KCNV1: variants seen among roughly 807,000 people sequenced by gnomAD.
KCNV1 encodes potassium voltage-gated channel subfamily V member 1.
A neutral mutation model predicts 36.4 loss-of-function variants in KCNV1; 2 were observed. The observed-to-expected ratio is 0.05, with a 90% confidence interval of 0.02 to 0.17. The LOEUF (loss-of-function observed/expected upper bound fraction) is 0.17, where lower values mean the gene tolerates loss of function less well. KCNV1 is among the 10% of genes least tolerant of loss of function. KCNV1 has a pLI of 1.00. For synonymous variants in KCNV1, 280 were observed against 261.1 expected, an observed-to-expected ratio of 1.07 and a Z score of -0.70; for missense variants, 321 against 643.6, an observed-to-expected ratio of 0.50 and a Z score of 5.42.
At position 109,972,370 on chromosome 8, in the gene KCNV1, C is replaced by G; in HGVS notation, c.879G>C (p.Glu293Asp). ...GCGTGGTCTGGCTCCCACTTAGGCT[C>G]TCTACCAGAAGAGTGATGTAGAAGG... is the stretch of plus-strand genomic sequence containing the variant. Reference protein sequence around the residue: ...ILPFYITLLVESLSGSQTTQE... With the variant: ...ILPFYITLLVDSLSGSQTTQE... The change falls in exon 3 of 4, where the codon GAG (glutamate) becomes GAC (aspartate). Residue 293 changes from glutamate to aspartate, a missense_variant. By Grantham distance (45) the Glu-to-Asp change is conservative (BLOSUM62 2). Coordinates refer to ENST00000524391, the MANE Select transcript of KCNV1 (RefSeq NM_014379.4). This position sits in a 1 kb window ranked among gnomAD's most constrained non-coding sequence, Gnocchi z 5.2. 1 of 1,614,186 alleles carries G rather than the reference C, an allele frequency of 6.2e-7. No individual in the cohort carries two copies. Among genetic ancestry groups the G allele is most frequent in the Non-Finnish European group, 8.5e-7 (1 of 1,180,050 alleles).
At position 109,966,440 on chromosome 8, in the gene KCNV1, A is replaced by T. The variant is rs1304259309; in HGVS notation, c.*1648T>A. The T allele has an allele frequency of 1.3e-5, 2 of 152,244 alleles. No individual in the cohort carries two copies. The highest frequency in any genetic ancestry group is 2.9e-5 in the Non-Finnish European group (2 of 68,032). The allele number at this position is 152,244 out of a possible 1,614,324, so 9.4% of individuals were successfully genotyped here. A position where few individuals can be genotyped will look rare whatever the true frequency, so the allele number is the denominator to read the frequency against. On this transcript the variant is annotated 3_prime_UTR_variant, in exon 4 of 4. Coordinates refer to ENST00000524391, the MANE Select transcript of KCNV1 (RefSeq NM_014379.4). ...AGGAGAAGTGGAAACAAGTTAAATGAATTAAAGTACTTTAGCACACAATCT... is the reference window on the plus strand; with the variant it reads ...AGGAGAAGTGGAAACAAGTTAAATGTATTAAAGTACTTTAGCACACAATCT...
At position 109,964,879 on chromosome 8, in the gene KCNV1, A is replaced by G. The variant is rs1370250981; in HGVS notation, c.*3209T>C. On this transcript the variant is annotated 3_prime_UTR_variant, in exon 4 of 4. Transcript: ENST00000524391. ...AGGAGGAGGGAGAGAATCAGGAAAA[A>G]TAACTGGTGCTAGGTTTAATACCTG... 6.6e-6 allele frequency: 1 copy of G among 152,090 alleles called. No homozygotes were observed. Among genetic ancestry groups the G allele is most frequent in the Non-Finnish European group, 1.5e-5 (1 of 68,040 alleles). The allele number at this position is 152,090 out of a possible 1,614,324, so 9.4% of individuals were successfully genotyped here. A position where few individuals can be genotyped will look rare whatever the true frequency, so the allele number is the denominator to read the frequency against.
Position 109,972,287 on chromosome 8 carries a change from C to T in KCNV1, c.962G>A (p.Arg321His), listed in dbSNP as rs879256001. Residue 321 changes from arginine to histidine, a missense_variant, in exon 3 of 4, where the codon CGC becomes CAC. By Grantham distance (29) the Arg-to-His change is conservative. This residue lies in a region of KCNV1 where 141 missense variants were observed against 225.0 expected (regional missense o/e 0.63). Coordinates refer to ENST00000524391, the MANE Select transcript of KCNV1 (RefSeq NM_014379.4). This position sits in a 1 kb window ranked among gnomAD's most constrained non-coding sequence, Gnocchi z 5.2. ...VQVLRLLRALRMLKLGRHSTG... is the reference protein window; with the variant it reads ...VQVLRLLRALHMLKLGRHSTG... ...GGAATGTCTGCCCAGCTTTAGCATG[C>T]GCAGAGCCCTGAGCAGCCTCAACAC... is the stretch of plus-strand genomic sequence containing the variant. 3.1e-6 allele frequency: 5 copies of T among 1,608,568 alleles called. No homozygotes were observed. The highest frequency in any genetic ancestry group is 4.2e-6 in the Non-Finnish European group (5 of 1,177,606).
In KCNV1 at chr8:109,973,919, C is replaced by T; in HGVS notation, c.461+9G>A. 6.3e-7 allele frequency: 1 copy of T among 1,579,540 alleles called. No homozygotes were observed. Among genetic ancestry groups the T allele is most frequent in the Non-Finnish European group, 8.6e-7 (1 of 1,161,526 alleles). On this transcript the variant is annotated intron_variant, in intron 2 of 3. Coordinates refer to ENST00000524391, the MANE Select transcript of KCNV1 (RefSeq NM_014379.4). ...CTCCCCGCCCAGCCGCCGCGTGCCTCCGGGGTACCTGTCCCTGCAGCAGGA... is the reference window on the plus strand; with the variant it reads ...CTCCCCGCCCAGCCGCCGCGTGCCTTCGGGGTACCTGTCCCTGCAGCAGGA...
chr8:109,968,133 T>C lies in KCNV1; in HGVS notation c.1458A>G (p.Glu486=). 6.2e-7 allele frequency: 1 copy of C among 1,614,166 alleles called. No individual in the cohort carries two copies. Among genetic ancestry groups the C allele is most frequent in the East Asian group, 2.2e-5 (1 of 44,876 alleles). The part of the protein sequence containing the change: ...IMEMLRLKGR[E]RASTRSSGGD... ...CCCCGCTGCTCCTAGTACTTGCTCTTTCTCTGCCTTTCAGTCGCAGCATCT... is the reference window on the plus strand; with the variant it reads ...CCCCGCTGCTCCTAGTACTTGCTCTCTCTCTGCCTTTCAGTCGCAGCATCT... Residue 486 remains glutamate, a synonymous_variant, in exon 4 of 4, where the codon GAA becomes GAG. Coordinates refer to ENST00000524391, the MANE Select transcript of KCNV1 (RefSeq NM_014379.4). The surrounding 1 kb of genome is among the most constrained non-coding windows in gnomAD (Gnocchi z 5.3).
rs1297723772 is a variant in KCNV1 at position 109,966,771 on chromosome 8, C to T, written c.*1317G>A. On this transcript the variant is annotated 3_prime_UTR_variant, in exon 4 of 4. Coordinates refer to ENST00000524391, the MANE Select transcript of KCNV1 (RefSeq NM_014379.4). Reference sequence around the variant, plus strand: ...CACCCCTGGCAAAGAGCCTTCTAGGCTTTTTTCCCTAACATCTCACCCCCA... The same window carrying T: ...CACCCCTGGCAAAGAGCCTTCTAGGTTTTTTTCCCTAACATCTCACCCCCA... The T allele has an allele frequency of 6.6e-6, 1 of 152,136 alleles. No individual in the cohort carries two copies. Among genetic ancestry groups the T allele is most frequent in the Non-Finnish European group, 1.5e-5 (1 of 67,996 alleles). The allele number at this position is 152,136 out of a possible 1,614,324, so 9.4% of individuals were successfully genotyped here.
rs768178661 is a variant in KCNV1 at position 109,968,191 on chromosome 8, T to G, written c.1400A>C (p.Asn467Thr). Residue 467 changes from asparagine (N) to threonine (T), a missense_variant, in exon 4 of 4, where the codon AAC (asparagine) becomes ACC (threonine). By Grantham distance (65) the Asn-to-Thr change is moderately conservative (BLOSUM62 0). This residue lies in a region of KCNV1 where 45 missense variants were observed against 76.8 expected (regional missense o/e 0.59). Coordinates refer to ENST00000524391, the MANE Select transcript of KCNV1 (RefSeq NM_014379.4). This position sits in a 1 kb window ranked among gnomAD's most constrained non-coding sequence, Gnocchi z 5.3. The stretch of plus-strand genomic sequence containing the variant: ...ACTCCGGGCATAGACATCTCTCAAG[T>G]TAACACTGATATATGAGTCAGTGGC... ...NIATDSYISV[N>T]LRDVYARSIM... 6.2e-7 allele frequency: 1 copy of G among 1,614,188 alleles called. No individual in the cohort carries two copies. Among genetic ancestry groups the G allele is most frequent in the Non-Finnish European group, 8.5e-7 (1 of 1,180,020 alleles).
chr8:109,972,191 A>T lies in KCNV1; in HGVS notation c.991+67T>A. The stretch of plus-strand genomic sequence containing the variant: ...ATCAGTTCAGCGTTACTTTCCTTGT[A>T]CTGTGGTCAAAAAACGAATGCTTAC... On this transcript the variant is annotated intron_variant, in intron 3 of 3. Transcript: ENST00000524391. The surrounding 1 kb of genome is among the most constrained non-coding windows in gnomAD (Gnocchi z 5.2). The T allele has an allele frequency of 6.9e-7, 1 of 1,452,322 alleles. No individual in the cohort carries two copies. The highest frequency in any genetic ancestry group is 9.3e-7 in the Non-Finnish European group (1 of 1,073,532). The allele number at this position is 1,452,322 out of a possible 1,614,324, so 90.0% of individuals were successfully genotyped here. A position where few individuals can be genotyped will look rare whatever the true frequency, so the allele number is the denominator to read the frequency against.
rs747338159 is a variant in KCNV1 at position 109,968,173 on chromosome 8, G to A, written c.1418C>T (p.Ala473Val). ...TCGCAGCATCTCCATGATACTCCGGGCATAGACATCTCTCAAGTTAACACT... is the reference window on the plus strand; with the variant it reads ...TCGCAGCATCTCCATGATACTCCGGACATAGACATCTCTCAAGTTAACACT... ...YISVNLRDVYARSIMEMLRLK... is the reference protein window; with the variant it reads ...YISVNLRDVYVRSIMEMLRLK... Residue 473 changes from alanine to valine, a missense_variant, in exon 4 of 4, where the codon GCC becomes GTC. Physicochemically the swap from Ala to Val is moderately conservative, Grantham distance 64. This residue lies in a region of KCNV1 where 45 missense variants were observed against 76.8 expected (regional missense o/e 0.59). Coordinates refer to ENST00000524391, the MANE Select transcript of KCNV1 (RefSeq NM_014379.4). This position sits in a 1 kb window ranked among gnomAD's most constrained non-coding sequence, Gnocchi z 5.3. 31 of 1,613,974 alleles carry A rather than the reference G, an allele frequency of 1.9e-5. No individual in the cohort carries two copies. Among genetic ancestry groups the A allele is most frequent in the South Asian group, 5.5e-5 (5 of 91,084 alleles).
At position 109,972,754 on chromosome 8, in the gene KCNV1, T is replaced by C. The variant is rs1426289338; in HGVS notation, c.495A>G (p.Leu165=). ...GGTCTTCTGTGTCCTTCTTGAAGTC[T>C]AAAGTTTCACTCAGCTCTTTCCTTC... ...YFRRKELSET[L]DFKKDTEDQE... is the part of the protein sequence containing the mutation. The change falls in exon 3 of 4, where the codon TTA becomes TTG. Residue 165 remains leucine (L), a synonymous_variant. Transcript: ENST00000524391. This position sits in a 1 kb window ranked among gnomAD's most constrained non-coding sequence, Gnocchi z 5.2. 7 of 1,611,850 alleles carry C rather than the reference T, an allele frequency of 4.3e-6. No individual in the cohort carries two copies. The highest frequency in any genetic ancestry group is 2.7e-5 in the African/African-American group (2 of 74,722).
chr8:109,969,281 C>G (rs1484074673), intron 3 of KCNV1, among the ~76,000 whole-genome samples: 1 of 152,022 alleles, frequency 6.6e-6, no homozygotes, highest in Non-Finnish European at 1.5e-5. Flanking sequence ...CCCAAGACAC[C>G]CACTGAAACC....
rs1820019163 is a variant in KCNV1, at chr8:109,972,155, T to C, written c.991+103A>G. ...TGATCAGGTAAAGTATGGGAGTTGG[T>C]AATTTTGAATATCAGTTCAGCGTTA... On this transcript the variant is annotated intron_variant, in intron 3 of 3. Transcript: ENST00000524391. The surrounding 1 kb of genome is among the most constrained non-coding windows in gnomAD (Gnocchi z 5.2). 3 of 1,204,330 alleles carry C rather than the reference T, an allele frequency of 2.5e-6. No homozygotes were observed. The African/African-American group carries it at 4.6e-5, about 18-fold the overall frequency. The allele number at this position is 1,204,330 out of a possible 1,614,324, so 74.6% of individuals were successfully genotyped here.
At position 109,965,146 on chromosome 8, in the gene KCNV1, TGCAGTGAG is replaced by T. The variant is rs1819930040; in HGVS notation, c.*2934_*2941del. 1 of 152,182 alleles carries T rather than the reference TGCAGTGAG, an allele frequency of 6.6e-6. No individual in the cohort carries two copies. The highest frequency in any genetic ancestry group is 6.6e-5 in the Admixed American group (1 of 15,266). The allele number at this position is 152,182 out of a possible 1,614,324, so 9.4% of individuals were successfully genotyped here. On this transcript the variant is annotated 3_prime_UTR_variant, in exon 4 of 4. Coordinates refer to ENST00000524391, the MANE Select transcript of KCNV1 (RefSeq NM_014379.4). Reference sequence around the variant, plus strand: ...TGGTGTGAACCCAAGAGGTGGAGCTTGCAGTGAGCCGAGATCGCGCCACTGGCACTCCA... The same window carrying T: ...TGGTGTGAACCCAAGAGGTGGAGCTTCCGAGATCGCGCCACTGGCACTCCA...
Position 109,968,260 on chromosome 8 carries a change from G to C in KCNV1, c.1331C>G (p.Ala444Gly). 5 of 1,614,152 alleles carry C rather than the reference G, an allele frequency of 3.1e-6. No homozygotes were observed. The highest frequency in any genetic ancestry group is 4.2e-6 in the Non-Finnish European group (5 of 1,180,030). The change falls in exon 4 of 4, where the codon GCT (alanine) becomes GGT (glycine). Residue 444 changes from alanine to glycine, a missense_variant. Ala to Gly is a moderately conservative substitution (Grantham distance 60). Transcript: ENST00000524391. This position sits in a 1 kb window ranked among gnomAD's most constrained non-coding sequence, Gnocchi z 5.3. ...CYFTLKLKEA[A>G]VRQREALKKL... ...CTTTAGGGCTTCACGCTGTCTAACAGCTGCTTCCTTGAGTTTCAAGGTGAA... is the reference window on the plus strand; with the variant it reads ...CTTTAGGGCTTCACGCTGTCTAACACCTGCTTCCTTGAGTTTCAAGGTGAA...
In KCNV1 at chr8:109,974,432, GAC is replaced by G. The variant is rs1191627317; in HGVS notation, c.-46_-45del. The G allele has an allele frequency of 7.4e-7, 1 of 1,358,726 alleles. No homozygotes were observed. Among genetic ancestry groups the G allele is most frequent in the Non-Finnish European group, 9.7e-7 (1 of 1,027,932 alleles). The allele number at this position is 1,358,726 out of a possible 1,614,324, so 84.2% of individuals were successfully genotyped here. A position where few individuals can be genotyped will look rare whatever the true frequency, so the allele number is the denominator to read the frequency against. On this transcript the variant is annotated 5_prime_UTR_variant, in exon 2 of 4. Transcript: ENST00000524391. The surrounding 1 kb of genome is among the most constrained non-coding windows in gnomAD (Gnocchi z 6.2). Reference sequence around the variant, plus strand: ...GGCCTGAGGGCGCCACAAAGTTGGGGACACGCCGGAAGCTTTGGTCCCGCGAG... The same window carrying G: ...GGCCTGAGGGCGCCACAAAGTTGGGGACGCCGGAAGCTTTGGTCCCGCGAG...
chr8:109,969,852 G>GAAAA (rs199693742), intron 3 of KCNV1, among the ~76,000 whole-genome samples: 5 of 86,512 alleles, frequency 5.8e-5, no homozygotes, highest in East Asian at 4.0e-4. Context: ...CTCAAAAAAA[G>GAAAA]AAAAAAAAAA....
intron 1 of KCNV1, among the ~76,000 whole-genome samples, 158 bp downstream of exon 1, chr8:109,975,461 A>G (rs1405249116): frequency 5.3e-5 from 8 of 152,120 alleles, no homozygotes; most frequent in African/African-American, 9.7e-5. Flanking sequence ...AGGAATTTAA[A>G]TAGTAACGAC....
At chr8:109,969,506 C>T (rs755529915) in intron 3 of KCNV1, among the ~76,000 whole-genome samples, 9 of 152,218 alleles carry the variant, frequency 5.9e-5, no homozygotes, top group East Asian at 3.9e-4. Context: ...GACAGAACCA[C>T]GATAGTCCAA....
chr8:109,974,698 C>G lies in KCNV1; in HGVS notation c.-310G>C, dbSNP rs1030181378. Reference sequence around the variant, plus strand: ...CCGACACAGTCCCTGTGCACACTGCCGGTCGCCCTGGCCCTTCCCAAACGT... The same window carrying G: ...CCGACACAGTCCCTGTGCACACTGCGGGTCGCCCTGGCCCTTCCCAAACGT... On this transcript the variant is annotated 5_prime_UTR_variant, in exon 2 of 4. Coordinates refer to ENST00000524391, the MANE Select transcript of KCNV1 (RefSeq NM_014379.4). The surrounding 1 kb of genome is among the most constrained non-coding windows in gnomAD (Gnocchi z 6.2). 9.8e-6 allele frequency: 4 copies of G among 407,652 alleles called. No individual in the cohort carries two copies. Among genetic ancestry groups the G allele is most frequent in the African/African-American group, 2.0e-5 (1 of 48,800 alleles). 25.3% of individuals were successfully genotyped at this position (407,652 alleles called of 1,614,324 possible).
Sources: allele counts gnomAD v4.1 joint callset (sites outside exome capture counted in the v4.1 genomes callset), GRCh38; gene constraint gnomAD v4.1.1; regional missense constraint gnomAD v4.1.1; non-coding constraint Gnocchi (gnomAD v3.1); transcripts MANE v1.5; gene names NCBI Gene and HGNC (gene_info 2026-07-23, HGNC 2026-07-21).